The following DR1 variants were observed in gnomAD, a reference collection of about 807,000 sequenced individuals.
DR1 encodes the protein protein Dr1.
DR1 carries 7 observed loss-of-function variants against 19.9 expected under a neutral mutation model. The observed-to-expected ratio is 0.35, with a 90% CI of 0.20 to 0.66. DR1 has a LOEUF of 0.66. Among genes scored for constraint, DR1 ranks in the 30% least tolerant of loss-of-function variants. The pLI is 0.66. For synonymous variants in DR1, 76 were observed against 72.5 expected (o/e 1.05, Z -0.24); for missense variants, 98 against 203.7 (o/e 0.48, Z 3.16).
intron 1 of DR1, among the ~76,000 whole-genome samples, chr1:93,353,152 C>T (rs1397989142): frequency 2.0e-5 from 3 of 152,084 alleles, no homozygotes; most frequent in Admixed American, 6.6e-5. Flanking sequence ...ACCTTGGCCT[C>T]CCAAAGTACT....
intron 1 of DR1, among the ~76,000 whole-genome samples, chr1:93,347,848 CAATTT>C (rs1666871309): frequency 6.6e-6 from 1 of 152,036 alleles, no homozygotes; most frequent in Non-Finnish European, 1.5e-5. Context: ...GAGTTGTACT[CAATTT>C]GAGGTGAGAA....
intron 2 of DR1, among the ~76,000 whole-genome samples, chr1:93,359,061 TA>T (rs1281179143): frequency 3.9e-5 from 6 of 152,296 alleles, no homozygotes; most frequent in Non-Finnish European, 7.4e-5. Flanking sequence ...AAAAAGACTA[TA>T]GAGAGGTTGG....
intron 2 of DR1, chr1:93,355,261 A>C (rs1418027305): frequency 6.6e-6 from 1 of 152,208 alleles, no homozygotes; most frequent in Non-Finnish European, 1.5e-5. Flanking sequence ...TCAGAGGCGG[A>C]AAAACTTCCT....
intron 1 of DR1, among the ~76,000 whole-genome samples, chr1:93,347,786 A>C (rs1476058622): frequency 6.6e-6 from 1 of 152,064 alleles, no homozygotes; most frequent in Non-Finnish European, 1.5e-5. Flanking sequence ...TACTATTCAT[A>C]ATGTTTCGGG....
chr1:93,351,436 C>CT (rs397862048), intron 1 of DR1, among the ~76,000 whole-genome samples: 5,531 of 103,642 alleles, frequency 0.053, 217 homozygotes, highest in African/African-American at 0.094. Flanking sequence ...GATTTTCTTT[C>CT]TTTTTTTTTT....
chr1:93,358,890 G>C (rs990740602), intron 2 of DR1, among the ~76,000 whole-genome samples: 6 of 152,152 alleles, frequency 3.9e-5, no homozygotes, highest in South Asian at 2.1e-4. Flanking sequence ...TAGTATTTCA[G>C]TTTGACTTGA....
chr1:93,346,165 C>T lies in DR1; in HGVS notation c.-481C>T. The T allele has an allele frequency of 1.8e-5, 4 of 225,138 alleles. No homozygotes were observed. Among genetic ancestry groups the T allele is most frequent in the East Asian group, 1.7e-4 (1 of 6,006 alleles). 13.9% of individuals were successfully genotyped at this position (225,138 alleles called of 1,614,324 possible). Reference sequence around the variant, plus strand: ...TGTCTGAAGGATGGTTTGGCCGAGGCGGCGGCAACGGCTGCTGGCGGCGGC... The same window carrying T: ...TGTCTGAAGGATGGTTTGGCCGAGGTGGCGGCAACGGCTGCTGGCGGCGGC... On this transcript the variant is annotated 5_prime_UTR_variant, in exon 1 of 3. Transcript: ENST00000370272.
intron 2 of DR1, among the ~76,000 whole-genome samples, chr1:93,357,566 G>T (rs973971126): frequency 2.0e-5 from 3 of 151,306 alleles, no homozygotes; most frequent in Admixed American, 6.6e-5. Context: ...ACCATTTTTT[G>T]AAAATGTACA....
rs1350072144 is a variant in DR1, at chr1:93,363,586, CATCTT to C, written c.*2948_*2952del. 2.6e-5 allele frequency: 4 copies of C among 152,198 alleles called. No individual in the cohort carries two copies. The highest frequency in any genetic ancestry group is 4.4e-5 in the Non-Finnish European group (3 of 68,030). 9.4% of individuals were successfully genotyped at this position (152,198 alleles called of 1,614,324 possible). A position where few individuals can be genotyped will look rare whatever the true frequency, so the allele number is the denominator to read the frequency against. ...TCAAAGCTTGCTTTTGTCATTATAT[CATCTT>C]CTCTTCTGTAGTCAGATCTTTCCCT... On this transcript the variant is annotated 3_prime_UTR_variant, in exon 3 of 3. Coordinates refer to ENST00000370272, the MANE Select transcript of DR1 (RefSeq NM_001938.3).
chr1:93,347,625 T>C (rs1415072113), intron 1 of DR1, among the ~76,000 whole-genome samples: 1 of 152,198 alleles, frequency 6.6e-6, no homozygotes, highest in Non-Finnish European at 1.5e-5. Flanking sequence ...CCTTTCCTGC[T>C]GTCATTCCTA....
chr1:93,354,018 C>G lies in DR1; in HGVS notation c.331C>G (p.Leu111Val), dbSNP rs1666948167. Residue 111 changes from leucine to valine, a missense_variant, in exon 2 of 3, where the codon CTT becomes GTT. Leu to Val is a conservative substitution (Grantham distance 32). Coordinates refer to ENST00000370272, the MANE Select transcript of DR1 (RefSeq NM_001938.3). ...RRKASSRLEN[L>V]GIPEEELLRQ... ...AAAGGCCAGTTCTCGTTTGGAAAAC[C>G]TTGGCATTCCTGAAGAAGAGTTATT... is the stretch of plus-strand genomic sequence containing the variant. 1 of 1,613,658 alleles carries G rather than the reference C, an allele frequency of 6.2e-7. No individual in the cohort carries two copies. Among genetic ancestry groups the G allele is most frequent in the Admixed American group, 1.7e-5 (1 of 59,976 alleles).
rs934196459 is a variant in DR1 at position 93,369,117 on chromosome 1, C to G, written c.*8478C>G. ...TGGTATCCTTGGGGTATCCTGGAAC[C>G]AATCCCTGGCGGATACCAAGGGATG... On this transcript the variant is annotated 3_prime_UTR_variant, in exon 3 of 3. Transcript: ENST00000370272. The G allele has an allele frequency of 6.6e-6, 1 of 152,098 alleles. No individual in the cohort carries two copies. The highest frequency in any genetic ancestry group is 6.6e-5 in the Admixed American group (1 of 15,266). The allele number at this position is 152,098 out of a possible 1,614,324, so 9.4% of individuals were successfully genotyped here. A position where few individuals can be genotyped will look rare whatever the true frequency, so the allele number is the denominator to read the frequency against.
intron 1 of DR1, among the ~76,000 whole-genome samples, chr1:93,348,650 T>C (rs1327025601): frequency 1.3e-5 from 2 of 152,146 alleles, no homozygotes; most frequent in Non-Finnish European, 2.9e-5. Flanking sequence ...TTCAGTTTAA[T>C]GTGTGAGTCA....
chr1:93,350,230 A>T (rs929417512), intron 1 of DR1, among the ~76,000 whole-genome samples: 1 of 152,196 alleles, frequency 6.6e-6, no homozygotes, highest in Non-Finnish European at 1.5e-5. Context: ...GGATATTAAG[A>T]TAAATGATAC....
rs577347189 is a variant in DR1, at chr1:93,362,350, G to A, written c.*1711G>A. The A allele has an allele frequency of 6.6e-6, 1 of 152,152 alleles. No homozygotes were observed. Among genetic ancestry groups the A allele is most frequent in the Admixed American group, 6.6e-5 (1 of 15,252 alleles). 9.4% of individuals were successfully genotyped at this position (152,152 alleles called of 1,614,324 possible). ...TAGAACGATAAGTTAATACGTGTTG[G>A]CTTTTCTAATTTGTACTGTAACATC... On this transcript the variant is annotated 3_prime_UTR_variant, in exon 3 of 3. Transcript: ENST00000370272.
Position 93,360,890 on chromosome 1 carries a change from A to G in DR1, c.*251A>G, listed in dbSNP as rs1667044090. The G allele has an allele frequency of 7.8e-6, 3 of 384,110 alleles. No individual in the cohort carries two copies. Among genetic ancestry groups the G allele is most frequent in the African/African-American group, 2.1e-5 (1 of 47,162 alleles). 23.8% of individuals were successfully genotyped at this position (384,110 alleles called of 1,614,324 possible). On this transcript the variant is annotated 3_prime_UTR_variant, in exon 3 of 3. Coordinates refer to ENST00000370272, the MANE Select transcript of DR1 (RefSeq NM_001938.3). ...TTTAATGGTGTTTATGAAATTTTAGATAGCAGCGAGTCCTTCGTTTGATCA... is the reference window on the plus strand; with the variant it reads ...TTTAATGGTGTTTATGAAATTTTAGGTAGCAGCGAGTCCTTCGTTTGATCA...
At position 93,346,649 on chromosome 1, in the gene DR1, G is replaced by T. The variant is rs1219975772; in HGVS notation, c.4G>T (p.Ala2Ser). ...GCGCGAGAAACAGGAAGGTACTATGGCTTCCTCGTCTGGCAACGATGATGA... is the reference window on the plus strand; with the variant it reads ...GCGCGAGAAACAGGAAGGTACTATGTCTTCCTCGTCTGGCAACGATGATGA... M[A>S]SSSGNDDDLT... The change falls in exon 1 of 3, where the codon GCT (alanine) becomes TCT (serine). Residue 2 changes from alanine (A) to serine (S), a missense_variant. Physicochemically the swap from Ala to Ser is moderately conservative, Grantham distance 99. Transcript: ENST00000370272. The T allele has an allele frequency of 6.2e-7, 1 of 1,613,238 alleles. No homozygotes were observed. The highest frequency in any genetic ancestry group is 8.5e-7 in the Non-Finnish European group (1 of 1,179,548).
At chr1:93,355,509 T>C (rs550837585) in intron 2 of DR1, 13 of 152,370 alleles carry the variant, frequency 8.5e-5, no homozygotes, top group African/African-American at 2.9e-4. Context: ...CCCAAAAGCC[T>C]GTACTGTTTC....
intron 1 of DR1, among the ~76,000 whole-genome samples, chr1:93,347,786 A>G (rs1476058622): frequency 3.3e-5 from 5 of 152,064 alleles, no homozygotes; most frequent in Admixed American, 6.5e-5. Flanking sequence ...TACTATTCAT[A>G]ATGTTTCGGG....
Sources: allele counts gnomAD v4.1 joint callset (sites outside exome capture counted in the v4.1 genomes callset), GRCh38; gene constraint gnomAD v4.1.1; transcripts MANE v1.5; gene names NCBI Gene and HGNC (gene_info 2026-07-23, HGNC 2026-07-21).